SNX29: variants seen among roughly 807,000 people sequenced by gnomAD.
SNX29 encodes the protein sorting nexin-29.
In SNX29, 78 loss-of-function variants were observed where a neutral mutation model predicts 102.1. The observed-to-expected ratio is 0.76, with a 90% CI of 0.64 to 0.92. The LOEUF is 0.92. Ranked by LOEUF, SNX29 falls within the 40% of genes least tolerant of loss-of-function variation. SNX29 has a pLI of 0.00. For synonymous variants in SNX29, 580 were observed against 414.5 expected, an observed-to-expected ratio of 1.40 and a Z score of -4.85; for missense variants, 1,280 against 1,061.7, an observed-to-expected ratio of 1.21 and a Z score of -2.86.
intron 19 of SNX29, among the ~76,000 whole-genome samples, chr16:12,507,365 T>C (rs1235422298): frequency 5.9e-5 from 9 of 152,228 alleles, no homozygotes; most frequent in Admixed American, 5.9e-4. Flanking sequence ...GTGCTAGCCC[T>C]GTGGTCCCAG....
intron 19 of SNX29, among the ~76,000 whole-genome samples, chr16:12,485,497 A>G (rs552450902): frequency 1.3e-5 from 2 of 152,330 alleles, no homozygotes; most frequent in Non-Finnish European, 2.9e-5. Context: ...CATTAAAAAC[A>G]CATACACCCG....
At position 12,048,441 on chromosome 16, in the gene SNX29, C is replaced by T. The variant is rs769080741; in HGVS notation, c.569C>T (p.Pro190Leu). ...KDLNGQSKFA[P>L]TVSDLLKEST... ...TTGAACGGGCAGAGTAAGTTTGCTC[C>T]CACCGTTTCAGACCTCTTAAAGGAG... Residue 190 changes from proline (P) to leucine (L), a missense_variant, in exon 7 of 21, where the codon CCC becomes CTC. By Grantham distance (98) the Pro-to-Leu change is moderately conservative. Transcript: ENST00000566228. 3 of 1,613,890 alleles carry T rather than the reference C, an allele frequency of 1.9e-6. No homozygotes were observed. The highest frequency in any genetic ancestry group is 1.3e-5 in the African/African-American group (1 of 75,010).
chr16:12,456,625 T>C (rs1001864986), intron 18 of SNX29, among the ~76,000 whole-genome samples: 2 of 152,060 alleles, frequency 1.3e-5, no homozygotes, highest in Non-Finnish European at 2.9e-5. Context: ...GATGAGCATC[T>C]GATGGGGTGT....
intron 16 of SNX29, 35 bp from the exon 17 acceptor site, chr16:12,398,411 T>G: frequency 2.5e-6 from 4 of 1,612,166 alleles, no homozygotes; most frequent in Non-Finnish European, 3.4e-6. Flanking sequence ...CCATTATGCA[T>G]TTTTTCTCCC....
intron 20 of SNX29, among the ~76,000 whole-genome samples, chr16:12,542,581 C>G (rs1050909677): frequency 2.0e-5 from 3 of 152,216 alleles, no homozygotes; most frequent in African/African-American, 4.8e-5. Flanking sequence ...ATCCACCCGC[C>G]TCAGCCTCCC....
chr16:12,175,442 A>G (rs530482731), intron 13 of SNX29, among the ~76,000 whole-genome samples: 3 of 152,050 alleles, frequency 2.0e-5, no homozygotes, highest in Non-Finnish European at 4.4e-5. Flanking sequence ...CAGCCTGGCC[A>G]AAAAGATGAA....
intron 14 of SNX29, among the ~76,000 whole-genome samples, chr16:12,277,437 C>T (rs1304651015): frequency 6.6e-6 from 1 of 152,166 alleles, no homozygotes; most frequent in African/African-American, 2.4e-5. Context: ...CCCCCCAAAA[C>T]AACCAGCTCT....
At chr16:12,050,405 A>T (rs1009159663) in intron 7 of SNX29, among the ~76,000 whole-genome samples, 24 of 152,218 alleles carry the variant, frequency 1.6e-4, no homozygotes, top group Admixed American at 1.1e-3. Flanking sequence ...CAAGTGATTT[A>T]AAAATGTAGC....
At chr16:12,305,859 C>T (rs2080320849) in intron 15 of SNX29, among the ~76,000 whole-genome samples, 1 of 152,266 alleles carries the variant, frequency 6.6e-6, no homozygotes, top group Middle Eastern at 3.4e-3. Context: ...GGGTGGAGTA[C>T]CGACGAGCTG....
At chr16:12,527,525 G>C (rs994704382) in intron 20 of SNX29, 3 of 395,858 alleles carry the variant, frequency 7.6e-6, no homozygotes, top group African/African-American at 2.0e-5. Context: ...TAAAGAGAGG[G>C]CCCCCCATTT....
chr16:11,987,436 C>T (rs1315959370), intron 1 of SNX29, among the ~76,000 whole-genome samples: 6 of 144,884 alleles, frequency 4.1e-5, no homozygotes, highest in African/African-American at 1.5e-4. Flanking sequence ...CAGAGTCTCA[C>T]TCTGTCACCC....
intron 20 of SNX29, among the ~76,000 whole-genome samples, chr16:12,541,265 A>G (rs957198733): frequency 1.3e-5 from 2 of 152,188 alleles, no homozygotes; most frequent in African/African-American, 4.8e-5. Flanking sequence ...CAGGGAGAGA[A>G]TGACAGGAGC....
At chr16:12,282,020 G>A (rs1402152136) in intron 15 of SNX29, among the ~76,000 whole-genome samples, 1 of 136,850 alleles carries the variant, frequency 7.3e-6, no homozygotes, top group Non-Finnish European at 1.5e-5. Context: ...AGAAGAGGAA[G>A]TTGCAGTGAG....
At chr16:12,554,662 C>T (rs1052589922) in intron 20 of SNX29, among the ~76,000 whole-genome samples, 1 of 152,206 alleles carries the variant, frequency 6.6e-6, no homozygotes, top group Admixed American at 6.5e-5. Flanking sequence ...TGTGCATTTG[C>T]TAACCACAGG....
chr16:12,486,538 C>T (rs539155007), intron 19 of SNX29, among the ~76,000 whole-genome samples: 4 of 152,370 alleles, frequency 2.6e-5, no homozygotes, highest in South Asian at 4.1e-4. Flanking sequence ...GGCCATCTCG[C>T]TTGGCAGCGT....
chr16:12,184,905 G>T (rs926907489), intron 13 of SNX29, among the ~76,000 whole-genome samples: 2 of 152,162 alleles, frequency 1.3e-5, no homozygotes, highest in Non-Finnish European at 2.9e-5. Context: ...AAATCATTGT[G>T]TTTCCTCAGA....
chr16:12,321,933 G>A (rs1382951056), intron 15 of SNX29, among the ~76,000 whole-genome samples: 1 of 152,148 alleles, frequency 6.6e-6, no homozygotes, highest in Non-Finnish European at 1.5e-5. Context: ...GTGTTAGTTA[G>A]GGCCCCGATT....
intron 20 of SNX29, among the ~76,000 whole-genome samples, chr16:12,530,961 T>A (rs2076916408): frequency 6.6e-6 from 1 of 152,228 alleles, no homozygotes; most frequent in African/African-American, 2.4e-5. Flanking sequence ...CTTGAACAGT[T>A]AAGAGGTTTC....
chr16:12,472,037 C>G (rs1257640262), intron 18 of SNX29, among the ~76,000 whole-genome samples: 2 of 152,206 alleles, frequency 1.3e-5, no homozygotes, highest in African/African-American at 2.4e-5. Flanking sequence ...CTTGAAACAA[C>G]CTAAATGTCC....
Sources: allele counts gnomAD v4.1 joint callset (sites outside exome capture counted in the v4.1 genomes callset), GRCh38; gene constraint gnomAD v4.1.1; transcripts MANE v1.5; gene names NCBI Gene and HGNC (gene_info 2026-07-23, HGNC 2026-07-21).